The following ATP1A1 variants were observed in gnomAD, a reference collection of about 807,000 sequenced individuals.
The protein encoded by ATP1A1 is ATPase Na+/K+ transporting subunit alpha 1.
Under a neutral mutation model 114.8 loss-of-function variants are expected in ATP1A1, and 14 were observed. The ratio of observed to expected loss-of-function variants is 0.12; its 90% CI spans 0.08 to 0.19. The LOEUF (loss-of-function observed/expected upper bound fraction) is 0.19. Ranked by LOEUF, ATP1A1 falls within the 10% of genes least tolerant of loss-of-function variation. The pLI, the probability that ATP1A1 is intolerant of heterozygous loss-of-function variation, is 1.00. For missense variants in ATP1A1, 524 were observed against 1,290.7 expected (o/e 0.41, Z 9.10); for synonymous variants, 471 against 466.3 (o/e 1.01, Z -0.13).
rs980161595 is a variant in ATP1A1, at chr1:116,373,420, T to C, written c.-92T>C. 3 of 899,796 alleles carry C rather than the reference T, an allele frequency of 3.3e-6. No homozygotes were observed. The highest frequency in any genetic ancestry group is 5.0e-4 in the Middle Eastern group (2 of 4,028). 55.7% of individuals were successfully genotyped at this position (899,796 alleles called of 1,614,324 possible). On this transcript the variant is annotated 5_prime_UTR_variant, in exon 1 of 23. Coordinates refer to ENST00000295598, the MANE Select transcript of ATP1A1 (RefSeq NM_000701.8). ...CCTAGCTCCCTCCACTTGGCTCCCCTGGTCCCGCTCGCTCGGCCGGGAGCT... is the reference window on the plus strand; with the variant it reads ...CCTAGCTCCCTCCACTTGGCTCCCCCGGTCCCGCTCGCTCGGCCGGGAGCT...
At chr1:116,391,754 T>C (rs1236416442) in intron 10 of ATP1A1, among the ~76,000 whole-genome samples, 1 of 152,218 alleles carries the variant, frequency 6.6e-6, no homozygotes, top group East Asian at 1.9e-4. Context: ...AAACTTGAGA[T>C]AAATGTTTCA....
chr1:116,400,187 G>A (rs760614920), intron 18 of ATP1A1, among the ~76,000 whole-genome samples: 6 of 152,226 alleles, frequency 3.9e-5, no homozygotes, highest in East Asian at 1.9e-4. Flanking sequence ...AACTGTGAAC[G>A]CTTGGATAAA....
In ATP1A1 at chr1:116,384,152, CA is replaced by C; in HGVS notation, c.123+29del. On this transcript the variant is annotated intron_variant, in intron 2 of 22. Coordinates refer to ENST00000295598, the MANE Select transcript of ATP1A1 (RefSeq NM_000701.8). This position sits in a 1 kb window ranked among gnomAD's most constrained non-coding sequence, Gnocchi z 5.1. ...AAGTACTAGGAGGAATATTGTATTC[CA>C]TCCTTATTAAAAATCCATGATTTTT... is the stretch of plus-strand genomic sequence containing the variant. 3.2e-6 allele frequency: 5 copies of C among 1,570,188 alleles called. No homozygotes were observed. The highest frequency in any genetic ancestry group is 4.4e-6 in the Non-Finnish European group (5 of 1,142,708).
Position 116,389,314 on chromosome 1 carries a change from C to A in ATP1A1, c.755-125C>A. 1.6e-6 allele frequency: 2 copies of A among 1,267,790 alleles called. No individual in the cohort carries two copies. Among genetic ancestry groups the A allele is most frequent in the Non-Finnish European group, 2.2e-6 (2 of 911,118 alleles). The allele number at this position is 1,267,790 out of a possible 1,614,324, so 78.5% of individuals were successfully genotyped here. On this transcript the variant is annotated intron_variant, in intron 7 of 22. Transcript: ENST00000295598. The surrounding 1 kb of genome is among the most constrained non-coding windows in gnomAD (Gnocchi z 6.9). ...ACAGCATGTACAGCCAAAGAGCTGG[C>A]CCTTAAAAAGTGCTTTTATCAACTC...
Position 116,401,501 on chromosome 1 carries a change from G to A in ATP1A1, c.2850-53G>A. 1 of 1,573,426 alleles carries A rather than the reference G, an allele frequency of 6.4e-7. No individual in the cohort carries two copies. Among genetic ancestry groups the A allele is most frequent in the East Asian group, 2.2e-5 (1 of 44,642 alleles). On this transcript the variant is annotated intron_variant, in intron 20 of 22. Coordinates refer to ENST00000295598, the MANE Select transcript of ATP1A1 (RefSeq NM_000701.8). The surrounding 1 kb of genome is among the most constrained non-coding windows in gnomAD (Gnocchi z 4.7). ...GCCATTTTAATGCATAGCATTAGAA[G>A]ATAAACCTTTATTTGCACCTTTTAA...
intron 10 of ATP1A1, among the ~76,000 whole-genome samples, chr1:116,391,933 A>ATTT (rs1652501595): frequency 6.6e-6 from 1 of 152,168 alleles, no homozygotes; most frequent in Non-Finnish European, 1.5e-5. Context: ...GCGGGGAGGG[A>ATTT]GAAGCAGCCC....
intron 1 of ATP1A1, among the ~76,000 whole-genome samples, chr1:116,379,576 G>A (rs1651601987): frequency 6.6e-6 from 1 of 152,170 alleles, no homozygotes; most frequent in Non-Finnish European, 1.5e-5. Flanking sequence ...ATCATTTCTT[G>A]ACTGTTATTT....
At chr1:116,403,805 A>T in intron 21 of ATP1A1, 79 bp from the exon 22 acceptor site, 1 of 1,232,758 alleles carries the variant, frequency 8.1e-7, no homozygotes, top group Non-Finnish European at 1.2e-6. Flanking sequence ...TTTCATTGTC[A>T]CTGGTGATGT....
rs1282945455 is a variant in ATP1A1, at chr1:116,395,373, C to T, written c.1836+88C>T. 1 of 1,434,640 alleles carries T rather than the reference C, an allele frequency of 7.0e-7. No individual in the cohort carries two copies. The highest frequency in any genetic ancestry group is 1.4e-5 in the African/African-American group (1 of 69,994). The allele number at this position is 1,434,640 out of a possible 1,614,324, so 88.9% of individuals were successfully genotyped here. On this transcript the variant is annotated intron_variant, in intron 13 of 22. Transcript: ENST00000295598. This position sits in a 1 kb window ranked among gnomAD's most constrained non-coding sequence, Gnocchi z 6.4. Reference sequence around the variant, plus strand: ...TGTTGCCTTTTGAGGTCCAGATGGCCAGCTGTTCTATCTCACCTGGAGTAT... The same window carrying T: ...TGTTGCCTTTTGAGGTCCAGATGGCTAGCTGTTCTATCTCACCTGGAGTAT...
Position 116,397,981 on chromosome 1 carries a change from G to A in ATP1A1, c.2067G>A (p.Val689=). The change falls in exon 15 of 23, where the codon GTG becomes GTA. Residue 689 remains valine (V), a synonymous_variant. Coordinates refer to ENST00000295598, the MANE Select transcript of ATP1A1 (RefSeq NM_000701.8). The surrounding 1 kb of genome is among the most constrained non-coding windows in gnomAD (Gnocchi z 4.2). ...TTTTGAAGTACCACACTGAGATAGT[G>A]TTTGCCAGGACCTCCCCTCAGCAGA... is the stretch of plus-strand genomic sequence containing the variant. The part of the protein sequence containing the change: ...DDILKYHTEI[V]FARTSPQQKL... 3 of 1,613,888 alleles carry A rather than the reference G, an allele frequency of 1.9e-6. No homozygotes were observed. The highest frequency in any genetic ancestry group is 2.5e-6 in the Non-Finnish European group (3 of 1,179,994).
chr1:116,388,538 A>G lies in ATP1A1; in HGVS notation c.502-100A>G, dbSNP rs1652247608. ...AAAGTGAATAATATCTTTGTTTTGT[A>G]TTCAGGTAATTAGGATTATGACTAT... On this transcript the variant is annotated intron_variant, in intron 5 of 22. Transcript: ENST00000295598. This position sits in a 1 kb window ranked among gnomAD's most constrained non-coding sequence, Gnocchi z 5.6. 7.0e-7 allele frequency: 1 copy of G among 1,436,056 alleles called. No homozygotes were observed. The highest frequency in any genetic ancestry group is 1.4e-5 in the African/African-American group (1 of 69,310). 89.0% of individuals were successfully genotyped at this position (1,436,056 alleles called of 1,614,324 possible). A position where few individuals can be genotyped will look rare whatever the true frequency, so the allele number is the denominator to read the frequency against.
chr1:116,404,756 G>T lies in ATP1A1; in HGVS notation c.*312G>T. 8.7e-7 allele frequency: 1 copy of T among 1,154,638 alleles called. No individual in the cohort carries two copies. Among genetic ancestry groups the T allele is most frequent in the Non-Finnish European group, 1.1e-6 (1 of 940,526 alleles). 71.5% of individuals were successfully genotyped at this position (1,154,638 alleles called of 1,614,324 possible). Reference sequence around the variant, plus strand: ...TTATATCTGGATTTTTACAAATAAAGATGGCTATTATAATGGAATTTGTCT... The same window carrying T: ...TTATATCTGGATTTTTACAAATAAATATGGCTATTATAATGGAATTTGTCT... On this transcript the variant is annotated 3_prime_UTR_variant, in exon 23 of 23. Coordinates refer to ENST00000295598, the MANE Select transcript of ATP1A1 (RefSeq NM_000701.8). This position sits in a 1 kb window ranked among gnomAD's most constrained non-coding sequence, Gnocchi z 4.8.
In ATP1A1 at chr1:116,404,492, C is replaced by T. The variant is rs368616561; in HGVS notation, c.*48C>T. On this transcript the variant is annotated 3_prime_UTR_variant, in exon 23 of 23. Transcript: ENST00000295598. The surrounding 1 kb of genome is among the most constrained non-coding windows in gnomAD (Gnocchi z 4.8). ...AGCATCAGGCCACACACTCTGCATC[C>T]GACACCCACCCCCTCTTTGTGTACT... 6.3e-6 allele frequency: 10 copies of T among 1,580,174 alleles called. No homozygotes were observed. The highest frequency in any genetic ancestry group is 1.4e-5 in the African/African-American group (1 of 72,508).
In ATP1A1 at chr1:116,384,152, C is replaced by T. The variant is rs765310944; in HGVS notation, c.123+28C>T. ...AAGTACTAGGAGGAATATTGTATTCCATCCTTATTAAAAATCCATGATTTT... is the reference window on the plus strand; with the variant it reads ...AAGTACTAGGAGGAATATTGTATTCTATCCTTATTAAAAATCCATGATTTT... On this transcript the variant is annotated intron_variant, in intron 2 of 22. Transcript: ENST00000295598. This position sits in a 1 kb window ranked among gnomAD's most constrained non-coding sequence, Gnocchi z 5.1. The T allele has an allele frequency of 1.9e-6, 3 of 1,570,210 alleles. No individual in the cohort carries two copies. The highest frequency in any genetic ancestry group is 1.4e-5 in the African/African-American group (1 of 73,768).
Position 116,395,152 on chromosome 1 carries a change from G to A in ATP1A1, c.1703G>A (p.Gly568Glu), listed in dbSNP as rs866553949. 1.2e-6 allele frequency: 2 copies of A among 1,613,914 alleles called. No individual in the cohort carries two copies. Among genetic ancestry groups the A allele is most frequent in the African/African-American group, 1.3e-5 (1 of 74,884 alleles). Residue 568 changes from glycine to glutamate, a missense_variant, in exon 13 of 23, where the codon GGG (glycine) becomes GAG (glutamate). Physicochemically the swap from Gly to Glu is moderately conservative, Grantham distance 98. Coordinates refer to ENST00000295598, the MANE Select transcript of ATP1A1 (RefSeq NM_000701.8). The surrounding 1 kb of genome is among the most constrained non-coding windows in gnomAD (Gnocchi z 6.4). ...CTGCCAGATGAACAGTTTCCTGAAG[G>A]GTTCCAGTTTGACACTGACGATGTG... ...LFLPDEQFPE[G>E]FQFDTDDVNF...
At chr1:116,379,911 T>C (rs1184243395) in intron 1 of ATP1A1, among the ~76,000 whole-genome samples, 2 of 152,216 alleles carry the variant, frequency 1.3e-5, no homozygotes, top group African/African-American at 4.8e-5. Context: ...CCTGCTAAAG[T>C]GGTATTTGCC....
At chr1:116,380,574 C>A (rs974929477) in intron 1 of ATP1A1, among the ~76,000 whole-genome samples, 1 of 152,122 alleles carries the variant, frequency 6.6e-6, no homozygotes, top group East Asian at 1.9e-4. Context: ...CCAACCCTGT[C>A]CCCATTAAAT....
intron 21 of ATP1A1, among the ~76,000 whole-genome samples, chr1:116,403,109 G>C (rs2101070657): frequency 6.6e-6 from 1 of 152,328 alleles, no homozygotes; most frequent in East Asian, 1.9e-4. Flanking sequence ...CAAAGAGATT[G>C]TTCTGACAGG....
chr1:116,384,132 C>G lies in ATP1A1; in HGVS notation c.123+8C>G, dbSNP rs1361925615. 6.2e-7 allele frequency: 1 copy of G among 1,603,930 alleles called. No homozygotes were observed. The highest frequency in any genetic ancestry group is 8.5e-7 in the Non-Finnish European group (1 of 1,170,862). On this transcript the variant is annotated splice_region_variant and intron_variant, in intron 2 of 22. Transcript: ENST00000295598. The surrounding 1 kb of genome is among the most constrained non-coding windows in gnomAD (Gnocchi z 5.1). Reference sequence around the variant, plus strand: ...AAGAAAGAAGTTTCTATGGTAAGTACTAGGAGGAATATTGTATTCCATCCT... The same window carrying G: ...AAGAAAGAAGTTTCTATGGTAAGTAGTAGGAGGAATATTGTATTCCATCCT...
Sources: allele counts gnomAD v4.1 joint callset (sites outside exome capture counted in the v4.1 genomes callset), GRCh38; gene constraint gnomAD v4.1.1; non-coding constraint Gnocchi (gnomAD v3.1); transcripts MANE v1.5; gene names NCBI Gene and HGNC (gene_info 2026-07-23, HGNC 2026-07-21).